The following KCNH1 variants were observed in gnomAD, a reference collection of about 807,000 sequenced individuals.
The protein encoded by KCNH1 is potassium voltage-gated channel subfamily H member 1, also known as voltage-gated delayed rectifier potassium channel KCNH1.
A neutral mutation model predicts 69.2 loss-of-function variants in KCNH1; 27 were observed. The observed-to-expected ratio is 0.39, with a 90% CI of 0.29 to 0.54. KCNH1 has a LOEUF of 0.54. Among genes scored for constraint, KCNH1 ranks in the 20% least tolerant of loss-of-function variants. The pLI is 0.68. For synonymous variants in KCNH1, 456 were observed against 487.7 expected (o/e 0.93, Z 0.86); for missense variants, 798 against 1,261.6 (o/e 0.63, Z 5.57).
Position 210,681,363 on chromosome 1 carries a change from G to A in KCNH1, c.*1918C>T, listed in dbSNP as rs1373897243. On this transcript the variant is annotated 3_prime_UTR_variant, in exon 11 of 11. Transcript: ENST00000271751. ...TCCTCTTACTTGTATGCCGCCATCT[G>A]AGGCTAAATCTAATTATGTCGCAAC... 1 of 152,236 alleles carries A rather than the reference G, an allele frequency of 6.6e-6. No individual in the cohort carries two copies. The highest frequency in any genetic ancestry group is 1.5e-5 in the Non-Finnish European group (1 of 68,066). The allele number at this position is 152,236 out of a possible 1,614,324, so 9.4% of individuals were successfully genotyped here.
At position 211,103,505 on chromosome 1, in the gene KCNH1, T is replaced by G. The variant is rs1691298810; in HGVS notation, c.301A>C (p.Lys101Gln). 6.2e-7 allele frequency: 1 copy of G among 1,604,002 alleles called. No homozygotes were observed. The highest frequency in any genetic ancestry group is 8.5e-7 in the Non-Finnish European group (1 of 1,171,538). The change falls in exon 3 of 11, where the codon AAG becomes CAG. Residue 101 changes from lysine to glutamine, a missense_variant. Lys to Gln is a moderately conservative substitution (Grantham distance 53). This residue lies in a region of KCNH1 where 266 missense variants were observed against 457.2 expected (regional missense o/e 0.58). Transcript: ENST00000271751. ...TGGTCTCAATACTCACTGTTCTTCT[T>G]GTACATCAGAATTTCAAAGGAATTC... ...EMNSFEILMY[K>Q]KNRTPVWFFV...
intron 7 of KCNH1, among the ~76,000 whole-genome samples, chr1:210,854,048 A>G (rs1488193771): frequency 6.6e-6 from 1 of 151,872 alleles, no homozygotes; most frequent in Non-Finnish European, 1.5e-5. Flanking sequence ...AGAGGGCCAA[A>G]AATCATGTTA....
chr1:210,885,834 G>T (rs1207423193), intron 7 of KCNH1, among the ~76,000 whole-genome samples: 1 of 152,210 alleles, frequency 6.6e-6, no homozygotes, highest in African/African-American at 2.4e-5. Flanking sequence ...TAGCCAGACT[G>T]CCTCTCTAGA....
At chr1:210,850,474 G>A (rs1227579291) in intron 7 of KCNH1, among the ~76,000 whole-genome samples, 1 of 152,288 alleles carries the variant, frequency 6.6e-6, no homozygotes, top group Non-Finnish European at 1.5e-5. Flanking sequence ...TCCTGTCACC[G>A]CACTCCAGCC....
chr1:210,962,172 A>T (rs1688306919), intron 6 of KCNH1, among the ~76,000 whole-genome samples: 1 of 152,174 alleles, frequency 6.6e-6, no homozygotes, highest in Non-Finnish European at 1.5e-5. Flanking sequence ...ACTCAGGAAG[A>T]CTGCTGAGCT....
intron 5 of KCNH1, among the ~76,000 whole-genome samples, chr1:211,022,288 A>C (rs1358008085): frequency 1.3e-5 from 2 of 152,200 alleles, no homozygotes; most frequent in Non-Finnish European, 2.9e-5. Context: ...GAAGAATGAA[A>C]TTAGACCCCT....
At chr1:211,104,478 G>A (rs1691318917) in intron 2 of KCNH1, among the ~76,000 whole-genome samples, 1 of 152,134 alleles carries the variant, frequency 6.6e-6, no homozygotes, top group Non-Finnish European at 1.5e-5. Context: ...CTCACCAGAA[G>A]CAAGAAAAAT....
intron 7 of KCNH1, among the ~76,000 whole-genome samples, chr1:210,901,477 C>T (rs187629975): frequency 6.6e-6 from 1 of 152,218 alleles, no homozygotes; most frequent in East Asian, 1.9e-4. Context: ...GTGGGCAGAG[C>T]GGAACACATG....
intron 7 of KCNH1, among the ~76,000 whole-genome samples, chr1:210,826,629 C>A (rs1190816490): frequency 6.6e-6 from 1 of 152,180 alleles, no homozygotes; most frequent in Non-Finnish European, 1.5e-5. Flanking sequence ...AAGCTAGCAA[C>A]CCCCAGTTCA....
chr1:210,701,094 C>G (rs1041965641), intron 10 of KCNH1, among the ~76,000 whole-genome samples: 2 of 152,074 alleles, frequency 1.3e-5, no homozygotes, highest in African/African-American at 4.8e-5. Context: ...CCCGCCACCA[C>G]GCCTGGCTAA....
intron 6 of KCNH1, among the ~76,000 whole-genome samples, chr1:210,957,859 CTT>C (rs1688209545): frequency 6.6e-6 from 1 of 152,130 alleles, no homozygotes; most frequent in Admixed American, 6.5e-5. Context: ...GGTCTTGCCT[CTT>C]TATCCAATTT....
chr1:211,047,822 T>A (rs1571605675), intron 5 of KCNH1, among the ~76,000 whole-genome samples: 1 of 151,730 alleles, frequency 6.6e-6, no homozygotes, highest in African/African-American at 2.4e-5. Context: ...GTCAAATGAC[T>A]AATATCCAGA....
chr1:211,129,682 A>G (rs1691843160), intron 1 of KCNH1, among the ~76,000 whole-genome samples: 1 of 152,186 alleles, frequency 6.6e-6, no homozygotes, highest in African/African-American at 2.4e-5. Context: ...GGCACAATGG[A>G]TTTTAACCAG....
At chr1:210,719,481 T>A (rs1222278501) in intron 10 of KCNH1, among the ~76,000 whole-genome samples, 1 of 151,892 alleles carries the variant, frequency 6.6e-6, no homozygotes, top group East Asian at 1.9e-4. Flanking sequence ...CACTCATAAG[T>A]GGGAGTTGAA....
intron 9 of KCNH1, among the ~76,000 whole-genome samples, chr1:210,777,988 G>C (rs71638187): frequency 1.9e-3 from 285 of 152,322 alleles, no homozygotes; most frequent in Admixed American, 3.7e-3. Flanking sequence ...CTCCCTCTTG[G>C]AACCCAATCA....
At chr1:210,702,252 C>T (rs1361786492) in intron 10 of KCNH1, among the ~76,000 whole-genome samples, 1 of 152,182 alleles carries the variant, frequency 6.6e-6, no homozygotes, top group East Asian at 1.9e-4. Context: ...GCCCTGCAAT[C>T]TGAGGATTCT....
intron 6 of KCNH1, among the ~76,000 whole-genome samples, chr1:210,922,379 G>A (rs558421317): frequency 0.025 from 1,857 of 75,412 alleles, 51 homozygotes; most frequent in African/African-American, 0.085. Flanking sequence ...GCGAGACTCC[G>A]TCTCAAAAAA....
chr1:210,988,142 T>C (rs1357760020), intron 6 of KCNH1, among the ~76,000 whole-genome samples: 1 of 152,180 alleles, frequency 6.6e-6, no homozygotes, highest in Non-Finnish European at 1.5e-5. Context: ...AAGCGCAGTA[T>C]TAGGGTGGGA....
At chr1:210,885,205 G>A (rs1481508269) in intron 7 of KCNH1, among the ~76,000 whole-genome samples, 1 of 152,182 alleles carries the variant, frequency 6.6e-6, no homozygotes, top group East Asian at 1.9e-4. Context: ...TCCAACTGAG[G>A]TACCCGGCTC....
Sources: gnomAD v4.1 joint callset for allele counts (sites outside exome capture counted in the v4.1 genomes callset) on GRCh38, gnomAD v4.1.1 for gene constraint, gnomAD v4.1.1 regional missense constraint, MANE v1.5 for transcripts, NCBI Gene and HGNC (gene_info 2026-07-23, HGNC 2026-07-21) for gene names.